Variants in GXYLT2 observed in about 807,000 individuals in gnomAD.
The protein encoded by GXYLT2 is glycosyltransferase 8 domain containing 4.
In GXYLT2, 53 loss-of-function variants were observed where a neutral mutation model predicts 45.8. The observed-to-expected ratio is 1.16, with a 90% CI of 0.93 to 1.46. The LOEUF (loss-of-function observed/expected upper bound fraction) is 1.46, where lower values mean the gene tolerates loss of function less well. Ranked by LOEUF, GXYLT2 falls within the 40% of genes most tolerant of loss-of-function variation. GXYLT2 has a pLI of 0.00. For missense variants in GXYLT2, 551 were observed against 544.4 expected (o/e 1.01, Z -0.12); for synonymous variants, 219 against 214.2 (o/e 1.02, Z -0.19).
intron 5 of GXYLT2, among the ~76,000 whole-genome samples, chr3:72,963,837 T>G (rs1464972521): frequency 6.6e-6 from 1 of 152,090 alleles, no homozygotes. Flanking sequence ...CACGCCCAGC[T>G]AATTTTTTTG....
intron 1 of GXYLT2, among the ~76,000 whole-genome samples, chr3:72,906,300 G>A (rs368724059): frequency 2.0e-5 from 3 of 151,982 alleles, no homozygotes; most frequent in Admixed American, 6.6e-5. Context: ...TCCCCTCTGC[G>A]TGGCATGCTC....
At chr3:72,938,767 C>T (rs1270411980) in intron 3 of GXYLT2, among the ~76,000 whole-genome samples, 2 of 152,200 alleles carry the variant, frequency 1.3e-5, no homozygotes, top group Non-Finnish European at 2.9e-5. Flanking sequence ...GGAAAACGTC[C>T]TGCATGCAGT....
chr3:72,899,251 G>A (rs559283126), intron 1 of GXYLT2, among the ~76,000 whole-genome samples: 3 of 152,128 alleles, frequency 2.0e-5, no homozygotes, highest in Admixed American at 1.3e-4. Flanking sequence ...CCTCCCATGC[G>A]TTAGACCTAG....
chr3:72,896,798 C>G (rs530309709), intron 1 of GXYLT2, among the ~76,000 whole-genome samples: 1 of 151,666 alleles, frequency 6.6e-6, no homozygotes, highest in African/African-American at 2.4e-5. Flanking sequence ...TGCAGTGAGC[C>G]GAGATAGCGC....
chr3:72,964,133 A>G (rs1300166983), intron 5 of GXYLT2, among the ~76,000 whole-genome samples: 1 of 151,844 alleles, frequency 6.6e-6, no homozygotes, highest in African/African-American at 2.4e-5. Context: ...ACTGCTGTTA[A>G]ATCGAGGTGA....
At chr3:72,919,247 G>A (rs1489867223) in intron 2 of GXYLT2, among the ~76,000 whole-genome samples, 1 of 152,144 alleles carries the variant, frequency 6.6e-6, no homozygotes. Flanking sequence ...TCCTTCAGTA[G>A]GTGAATGGAT....
intron 1 of GXYLT2, among the ~76,000 whole-genome samples, chr3:72,891,776 A>G (rs1344777212): frequency 1.3e-5 from 2 of 152,234 alleles, no homozygotes; most frequent in African/African-American, 4.8e-5. Context: ...ACTGTTTGTC[A>G]AAAATAAACA....
At position 72,894,545 on chromosome 3, in the gene GXYLT2, A is replaced by ATAG. The variant is rs1041963692; in HGVS notation, c.275+6038_275+6040dup. Among the ~76,000 whole-genome samples, 9 of 152,344 alleles carry ATAG rather than the reference A, an allele frequency of 5.9e-5. 1 individual carries two copies. The highest frequency in any genetic ancestry group is 2.2e-4 in the African/African-American group (9 of 41,568). On this transcript the variant is annotated intron_variant, in intron 1 of 6. Transcript: ENST00000389617. ...TATATGGTAAATGTACCTGATAGCA[A>ATAG]TAGCTTGAGCATACCCTTAGAATGA...
chr3:72,905,804 T>G (rs532899816), intron 1 of GXYLT2, among the ~76,000 whole-genome samples: 2 of 152,300 alleles, frequency 1.3e-5, no homozygotes, highest in Admixed American at 6.5e-5. Context: ...TGGTGCAGCT[T>G]CTATTTTACT....
chr3:72,974,955 C>CTT, intron 6 of GXYLT2, 22 bp from the exon 7 acceptor site: 5 of 1,500,754 alleles, frequency 3.3e-6, no homozygotes, highest in African/African-American at 2.8e-5. Context: ...ACTAAATAAA[C>CTT]TTTTTTTTTG....
chr3:72,890,776 A>G (rs942549702), intron 1 of GXYLT2, among the ~76,000 whole-genome samples: 1 of 152,124 alleles, frequency 6.6e-6, no homozygotes. Flanking sequence ...GAGTGTTTCT[A>G]TTTCCAGGAG....
At chr3:72,945,191 G>A (rs1710380569) in intron 3 of GXYLT2, among the ~76,000 whole-genome samples, 1 of 151,976 alleles carries the variant, frequency 6.6e-6, no homozygotes, top group Non-Finnish European at 1.5e-5. Context: ...AGGAGGCTGA[G>A]GCAGGAGAAT....
chr3:72,900,624 G>C (rs1225736192), intron 1 of GXYLT2, among the ~76,000 whole-genome samples: 1 of 151,628 alleles, frequency 6.6e-6, no homozygotes. Flanking sequence ...CACCATGTTG[G>C]CCAGTCTGGT....
At chr3:72,953,538 C>G (rs1710566646) in intron 3 of GXYLT2, among the ~76,000 whole-genome samples, 2 of 152,144 alleles carry the variant, frequency 1.3e-5, no homozygotes, top group African/African-American at 4.8e-5. Context: ...TATCTGCCTG[C>G]CTCGGCCTCC....
intron 3 of GXYLT2, 80 bp from the exon 4 acceptor site, chr3:72,955,018 C>T: frequency 6.9e-7 from 1 of 1,454,096 alleles, no homozygotes; most frequent in Non-Finnish European, 9.4e-7. Flanking sequence ...ACCTATCAGG[C>T]TACTTCCTTT....
At chr3:72,948,230 C>G (rs1193079167) in intron 3 of GXYLT2, among the ~76,000 whole-genome samples, 1 of 152,118 alleles carries the variant, frequency 6.6e-6, no homozygotes, top group East Asian at 1.9e-4. Flanking sequence ...ATATAGAAGA[C>G]CTTGACAACA....
At chr3:72,960,318 A>G (rs1013204383) in intron 5 of GXYLT2, among the ~76,000 whole-genome samples, 3 of 152,362 alleles carry the variant, frequency 2.0e-5, no homozygotes, top group African/African-American at 7.2e-5. Context: ...AATCCAAAAG[A>G]TTCACACAGT....
chr3:72,918,405 A>T (rs1046090674), intron 2 of GXYLT2, among the ~76,000 whole-genome samples: 1 of 152,160 alleles, frequency 6.6e-6, no homozygotes, highest in Non-Finnish European at 1.5e-5. Context: ...GATTGTTTCT[A>T]ATTTTTCATT....
rs1375939391 is a variant in GXYLT2, at chr3:72,933,941, T to C, written c.600+11606T>C. 2.0e-5 allele frequency among the ~76,000 whole-genome samples: 3 copies of C among 152,072 alleles called. No individual in the cohort carries two copies. The East Asian group carries it at 5.8e-4, about 29-fold the overall frequency. Reference sequence around the variant, plus strand: ...TAATAATAATAAAGAAAGGAAAGGATGTTGGGAGTTCTCAGAATGAAAGAG... The same window carrying C: ...TAATAATAATAAAGAAAGGAAAGGACGTTGGGAGTTCTCAGAATGAAAGAG... On this transcript the variant is annotated intron_variant, in intron 3 of 6. Transcript: ENST00000389617.
Sources: allele counts gnomAD v4.1 joint callset (sites outside exome capture counted in the v4.1 genomes callset), GRCh38; gene constraint gnomAD v4.1.1; transcripts MANE v1.5; gene names NCBI Gene and HGNC (gene_info 2026-07-23, HGNC 2026-07-21).